FNDC3A: variants seen among roughly 807,000 people sequenced by gnomAD.
FNDC3A encodes the protein fibronectin type III domain containing 3A.
FNDC3A carries 32 observed loss-of-function variants against 148.9 expected under a neutral mutation model. The ratio of observed to expected loss-of-function variants is 0.21; its 90% CI spans 0.16 to 0.29. The LOEUF (loss-of-function observed/expected upper bound fraction) is 0.29, where lower values mean the gene tolerates loss of function less well. FNDC3A is among the 10% of genes least tolerant of loss of function. The pLI is 1.00. For missense variants in FNDC3A, 1,191 were observed against 1,452.8 expected (o/e 0.82, Z 2.93); for synonymous variants, 472 against 473.6 (o/e 1.00, Z 0.04).
chr13:48,977,024 C>T (rs1951616806), intron 1 of FNDC3A: 1 of 152,214 alleles, frequency 6.6e-6, no homozygotes, highest in Admixed American at 6.5e-5. Flanking sequence ...GTTAGCGTTA[C>T]AAGCCTTGGG....
chr13:49,102,490 T>C (rs1411502161), intron 3 of FNDC3A, among the ~76,000 whole-genome samples: 3 of 152,202 alleles, frequency 2.0e-5, no homozygotes. Flanking sequence ...TTAGGCGATA[T>C]TGACTCCTAC....
At chr13:49,081,643 A>G (rs1878478664) in intron 3 of FNDC3A, among the ~76,000 whole-genome samples, 1 of 152,204 alleles carries the variant, frequency 6.6e-6, no homozygotes, top group Non-Finnish European at 1.5e-5. Context: ...CATAGAACCC[A>G]AGACCTACAT....
Position 49,209,546 on chromosome 13 carries a change from A to G in FNDC3A, c.*2151A>G, listed in dbSNP as rs1886802945. Reference sequence around the variant, plus strand: ...AAAAATACATAAACTATGTAGCAAAAGTATCTGTAAAATCCATGGAAAATA... The same window carrying G: ...AAAAATACATAAACTATGTAGCAAAGGTATCTGTAAAATCCATGGAAAATA... On this transcript the variant is annotated 3_prime_UTR_variant, in exon 26 of 26. Coordinates refer to ENST00000492622, the MANE Select transcript of FNDC3A (RefSeq NM_001079673.2). The G allele has an allele frequency of 6.6e-6, 1 of 152,644 alleles. No individual in the cohort carries two copies. Among genetic ancestry groups the G allele is most frequent in the Non-Finnish European group, 1.5e-5 (1 of 68,038 alleles). The allele number at this position is 152,644 out of a possible 1,614,324, so 9.5% of individuals were successfully genotyped here. A position where few individuals can be genotyped will look rare whatever the true frequency, so the allele number is the denominator to read the frequency against.
At chr13:49,176,247 A>G (rs928745964) in intron 13 of FNDC3A, among the ~76,000 whole-genome samples, 1 of 152,152 alleles carries the variant, frequency 6.6e-6, no homozygotes, top group Non-Finnish European at 1.5e-5. Flanking sequence ...ATTGTTTGTA[A>G]TAGTTTCAGA....
At chr13:49,147,273 C>T (rs1187707703) in intron 8 of FNDC3A, among the ~76,000 whole-genome samples, 3 of 152,106 alleles carry the variant, frequency 2.0e-5, no homozygotes, top group Non-Finnish European at 2.9e-5. Context: ...GCAGCCTGAC[C>T]AGGGAGCACG....
chr13:49,097,232 T>C (rs1879582589), intron 3 of FNDC3A, among the ~76,000 whole-genome samples: 1 of 151,934 alleles, frequency 6.6e-6, no homozygotes, highest in South Asian at 2.1e-4. Context: ...GATTTACAAA[T>C]TTCACAGACA....
intron 4 of FNDC3A, among the ~76,000 whole-genome samples, chr13:49,130,908 G>A (rs1363609894): frequency 6.6e-6 from 1 of 152,092 alleles, no homozygotes; most frequent in African/African-American, 2.4e-5. Flanking sequence ...TGGGATTACA[G>A]GCATGGGCCA....
At chr13:48,997,843 A>G (rs565899313) in intron 1 of FNDC3A, among the ~76,000 whole-genome samples, 9 of 151,818 alleles carry the variant, frequency 5.9e-5, no homozygotes, top group African/African-American at 2.2e-4. Flanking sequence ...AAAATGTGGG[A>G]GTAGCTTTGG....
At chr13:49,060,290 A>G (rs2137734543) in intron 2 of FNDC3A, among the ~76,000 whole-genome samples, 1 of 152,340 alleles carries the variant, frequency 6.6e-6, no homozygotes, top group Middle Eastern at 3.4e-3. Context: ...GTCTGTCATC[A>G]TTTGAATGGA....
chr13:49,110,479 C>A, intron 3 of FNDC3A: 1 of 1,033,852 alleles, frequency 9.7e-7, no homozygotes, highest in Non-Finnish European at 1.5e-6. Flanking sequence ...TAAAGTCATG[C>A]CGTGTGTTTT....
At chr13:49,080,600 G>A (rs1260046142) in intron 3 of FNDC3A, among the ~76,000 whole-genome samples, 1 of 152,144 alleles carries the variant, frequency 6.6e-6, no homozygotes, top group Non-Finnish European at 1.5e-5. Context: ...TAAGTATTTT[G>A]CCTAGTAACT....
chr13:49,187,452 T>C, intron 16 of FNDC3A: 1 of 1,336,822 alleles, frequency 7.5e-7, no homozygotes, highest in South Asian at 1.2e-5. Context: ...GCTCTTCATA[T>C]CTGTTAATGG....
At position 49,141,107 on chromosome 13, in the gene FNDC3A, A is replaced by G. The variant is rs1358810666; in HGVS notation, c.819+2302A>G. 2.0e-5 allele frequency among the ~76,000 whole-genome samples: 3 copies of G among 152,226 alleles called. No individual in the cohort carries two copies. In the East Asian group the frequency reaches 5.8e-4, roughly 29 times the overall value. ...AGAATGTGGTACATGCACAAGTCTC[A>G]TAGTCTCAACTGTGTACTTAGGAGT... On this transcript the variant is annotated intron_variant, in intron 7 of 25. Transcript: ENST00000492622.
chr13:49,128,557 C>T (rs1373950018), intron 4 of FNDC3A, among the ~76,000 whole-genome samples: 1 of 152,156 alleles, frequency 6.6e-6, no homozygotes. Context: ...TACCACATAT[C>T]CTCTAGGAGT....
chr13:48,995,672 A>G (rs1187194756), intron 1 of FNDC3A, among the ~76,000 whole-genome samples: 1 of 152,190 alleles, frequency 6.6e-6, no homozygotes, highest in Non-Finnish European at 1.5e-5. Context: ...GAAATAATGC[A>G]TGTAATTATA....
chr13:49,202,064 A>C lies in FNDC3A; in HGVS notation c.3154+98A>C, dbSNP rs1886444233. ...TTACTGATATTAAAATTTAGCATCC[A>C]GTATATGTCCACCAGTTATACAAAA... On this transcript the variant is annotated intron_variant, in intron 24 of 25. Transcript: ENST00000492622. 2.3e-5 allele frequency: 17 copies of C among 738,618 alleles called. No individual in the cohort carries two copies. The South Asian group carries it at 4.6e-4, about 20-fold the overall frequency. 45.8% of individuals were successfully genotyped at this position (738,618 alleles called of 1,614,324 possible).
intron 15 of FNDC3A, 100 bp downstream of exon 15, chr13:49,186,202 C>T: frequency 9.9e-7 from 1 of 1,005,590 alleles, no homozygotes; most frequent in Non-Finnish European, 1.5e-6. Context: ...AATTTGTTAT[C>T]TCAAGCCAGT....
intron 10 of FNDC3A, among the ~76,000 whole-genome samples, chr13:49,170,699 TTC>T (rs1014056360): frequency 6.6e-6 from 1 of 152,190 alleles, no homozygotes; most frequent in Admixed American, 6.6e-5. Flanking sequence ...AGCCCTCATT[TTC>T]TCTTTTGTAA....
At chr13:48,996,254 T>C (rs986105713) in intron 1 of FNDC3A, among the ~76,000 whole-genome samples, 1 of 152,214 alleles carries the variant, frequency 6.6e-6, no homozygotes, top group African/African-American at 2.4e-5. Context: ...CTACTGTAAT[T>C]CTAATATTTT....
Sources: gnomAD v4.1 joint callset for allele counts (sites outside exome capture counted in the v4.1 genomes callset) on GRCh38, gnomAD v4.1.1 for gene constraint, MANE v1.5 for transcripts, NCBI Gene and HGNC (gene_info 2026-07-23, HGNC 2026-07-21) for gene names.